Variants in CRACR2A observed in about 807,000 individuals in gnomAD.
CRACR2A encodes the protein calcium release activated channel regulator 2A.
Under a neutral mutation model 90.5 loss-of-function variants are expected in CRACR2A, and 79 were observed. The ratio of observed to expected loss-of-function variants is 0.87; its 90% CI spans 0.73 to 1.05. The LOEUF (loss-of-function observed/expected upper bound fraction) is 1.05. Among genes scored for constraint, CRACR2A ranks in the 50% least tolerant of loss-of-function variants. The pLI is 0.00. For missense variants in CRACR2A, 823 were observed against 897.2 expected (o/e 0.92, Z 1.06); for synonymous variants, 338 against 356.7 (o/e 0.95, Z 0.59).
intron 2 of CRACR2A, among the ~76,000 whole-genome samples, chr12:3,718,031 G>A (rs1946105786): frequency 6.6e-6 from 1 of 152,130 alleles, no homozygotes; most frequent in East Asian, 1.9e-4. Flanking sequence ...TCCTACCTGT[G>A]ATCCTCAGGA....
chr12:3,724,358 T>C lies in CRACR2A; in HGVS notation c.-118+8584A>G, dbSNP rs117295076. Among the ~76,000 whole-genome samples, 681 of 152,368 alleles carry C rather than the reference T, an allele frequency of 4.5e-3. 2 individuals carry two copies. The highest frequency in any genetic ancestry group is 0.01 in the Middle Eastern group (3 of 294). On this transcript the variant is annotated intron_variant, in intron 2 of 19. Coordinates refer to ENST00000440314, the MANE Select transcript of CRACR2A (RefSeq NM_001144958.2). Reference sequence around the variant, plus strand: ...CAGCCAGAGAAGTCAGCGAGGACTCTGCTTTCATGGGCATTGTTAATGAAA... The same window carrying C: ...CAGCCAGAGAAGTCAGCGAGGACTCCGCTTTCATGGGCATTGTTAATGAAA...
chr12:3,620,505 A>G (rs1274146307), intron 17 of CRACR2A, among the ~76,000 whole-genome samples: 6 of 152,260 alleles, frequency 3.9e-5, no homozygotes, highest in African/African-American at 1.4e-4. Flanking sequence ...TTAAGCCTCA[A>G]TGTTTCCTTA....
chr12:3,660,241 T>G (rs1272839999), intron 7 of CRACR2A, among the ~76,000 whole-genome samples: 1 of 152,146 alleles, frequency 6.6e-6, no homozygotes, highest in Non-Finnish European at 1.5e-5. Context: ...GATTCCATGA[T>G]GATGACAACA....
chr12:3,733,481 C>T (rs1295648343), intron 1 of CRACR2A, among the ~76,000 whole-genome samples: 3 of 152,136 alleles, frequency 2.0e-5, no homozygotes, highest in Non-Finnish European at 2.9e-5. Flanking sequence ...GTTGTTAAGA[C>T]GTGAGAGGAG....
intron 15 of CRACR2A, among the ~76,000 whole-genome samples, chr12:3,628,159 A>C (rs1037118106): frequency 1.8e-4 from 19 of 107,030 alleles, no homozygotes; most frequent in South Asian, 3.8e-4. Flanking sequence ...CCTCTCCCCC[A>C]ACTCTCTCTT....
intron 6 of CRACR2A, among the ~76,000 whole-genome samples, chr12:3,676,236 C>G (rs1034048020): frequency 6.6e-6 from 1 of 152,162 alleles, no homozygotes; most frequent in South Asian, 2.1e-4. Context: ...AGGTAAGGAA[C>G]CTCTCTGTTT....
At chr12:3,743,552 C>T (rs905527366) in intron 1 of CRACR2A, among the ~76,000 whole-genome samples, 8 of 152,162 alleles carry the variant, frequency 5.3e-5, no homozygotes, top group Non-Finnish European at 8.8e-5. Flanking sequence ...GAGGTGTCCA[C>T]GGTGCAGGTG....
In CRACR2A at chr12:3,713,328, C is replaced by T; in HGVS notation, c.-117-11G>A. On this transcript the variant is annotated splice_polypyrimidine_tract_variant and intron_variant, in intron 2 of 19. Coordinates refer to ENST00000440314, the MANE Select transcript of CRACR2A (RefSeq NM_001144958.2). Reference sequence around the variant, plus strand: ...TGACTTGAATTCCACCTAGGAAACACACAAGAGATGAATCACACCTTATTT... The same window carrying T: ...TGACTTGAATTCCACCTAGGAAACATACAAGAGATGAATCACACCTTATTT... 1 of 984,278 alleles carries T rather than the reference C, an allele frequency of 1.0e-6. No individual in the cohort carries two copies. Among genetic ancestry groups the T allele is most frequent in the Non-Finnish European group, 1.2e-6 (1 of 828,978 alleles). The allele number at this position is 984,278 out of a possible 1,614,324, so 61.0% of individuals were successfully genotyped here. A position where few individuals can be genotyped will look rare whatever the true frequency, so the allele number is the denominator to read the frequency against.
chr12:3,650,754 A>G (rs574124804), intron 10 of CRACR2A, among the ~76,000 whole-genome samples: 4 of 152,134 alleles, frequency 2.6e-5, no homozygotes, highest in Admixed American at 2.6e-4. Flanking sequence ...GCGTTTTACC[A>G]AATAGCCAGT....
In CRACR2A at chr12:3,644,260, T is replaced by C. The variant is rs141545949; in HGVS notation, c.1164+335A>G. On this transcript the variant is annotated intron_variant, in intron 12 of 19. Coordinates refer to ENST00000440314, the MANE Select transcript of CRACR2A (RefSeq NM_001144958.2). ...TAAAAATTTAAATGAAGAAGAACGG[T>C]GTGAGCATTTTGGTTTAGAAGTGAT... Among the ~76,000 whole-genome samples, 172 of 151,876 alleles carry C rather than the reference T, an allele frequency of 1.1e-3. 1 individual carries two copies. The highest frequency in any genetic ancestry group is 3.8e-3 in the African/African-American group (159 of 41,420).
chr12:3,705,831 GA>G (rs1382556116), intron 3 of CRACR2A, among the ~76,000 whole-genome samples: 2 of 152,082 alleles, frequency 1.3e-5, no homozygotes, highest in African/African-American at 4.8e-5. Flanking sequence ...TTTGGTGTCA[GA>G]AAAAAAGACA....
chr12:3,657,254 C>G (rs184447404), intron 8 of CRACR2A, among the ~76,000 whole-genome samples: 4 of 152,382 alleles, frequency 2.6e-5, no homozygotes, highest in Admixed American at 2.0e-4. Flanking sequence ...CTGCAGCACT[C>G]CACTTGCCTG....
intron 2 of CRACR2A, among the ~76,000 whole-genome samples, chr12:3,721,602 A>C (rs2137813967): frequency 6.6e-6 from 1 of 150,686 alleles, no homozygotes; most frequent in Non-Finnish European, 1.5e-5. Context: ...AAAAAAAAAA[A>C]GTGAGTGAAA....
At position 3,678,828 on chromosome 12, in the gene CRACR2A, G is replaced by A. The variant is rs567060573; in HGVS notation, c.524+87C>T. The A allele has an allele frequency of 1.1e-4, 162 of 1,422,282 alleles. No individual in the cohort carries two copies. The South Asian group carries it at 2.1e-3, about 18-fold the overall frequency. 88.1% of individuals were successfully genotyped at this position (1,422,282 alleles called of 1,614,324 possible). On this transcript the variant is annotated intron_variant, in intron 6 of 19. Transcript: ENST00000440314. ...TCCAGTGCAGGGACCAGCACCACATGGTTAACAAATGTTAATTGTTGAATG... is the reference window on the plus strand; with the variant it reads ...TCCAGTGCAGGGACCAGCACCACATAGTTAACAAATGTTAATTGTTGAATG...
At chr12:3,750,914 C>T (rs1392968668) in intron 1 of CRACR2A, among the ~76,000 whole-genome samples, 6 of 152,198 alleles carry the variant, frequency 3.9e-5, no homozygotes, top group South Asian at 2.1e-4. Flanking sequence ...CACAGCGTGA[C>T]GCATCTCCAA....
chr12:3,667,669 A>G (rs1312420443), intron 7 of CRACR2A, among the ~76,000 whole-genome samples: 2 of 152,244 alleles, frequency 1.3e-5, no homozygotes, highest in Admixed American at 6.5e-5. Flanking sequence ...TAGACTCCCC[A>G]CTGCCCTCTG....
chr12:3,653,862 A>C (rs1294106973), intron 10 of CRACR2A, among the ~76,000 whole-genome samples: 2 of 152,104 alleles, frequency 1.3e-5, no homozygotes, highest in African/African-American at 2.4e-5. Flanking sequence ...CATACTATAT[A>C]AAACAAGTTC....
At chr12:3,645,679 C>A (rs902856193) in intron 11 of CRACR2A, among the ~76,000 whole-genome samples, 1 of 152,042 alleles carries the variant, frequency 6.6e-6, no homozygotes, top group Admixed American at 6.5e-5. Flanking sequence ...GGGTAAGAAC[C>A]GTTTTTTTGG....
chr12:3,740,766 G>A (rs73249720), intron 1 of CRACR2A, among the ~76,000 whole-genome samples: 1,530 of 152,264 alleles, frequency 0.01, 27 homozygotes, highest in African/African-American at 0.035. Context: ...TCAAGTGCCT[G>A]GATTTGAATT....
Sources: gnomAD v4.1 joint callset for allele counts (sites outside exome capture counted in the v4.1 genomes callset) on GRCh38, gnomAD v4.1.1 for gene constraint, MANE v1.5 for transcripts, NCBI Gene and HGNC (gene_info 2026-07-23, HGNC 2026-07-21) for gene names.